Variants in STK32B observed in about 807,000 individuals in gnomAD.
STK32B encodes serine/threonine kinase 32B, also known as serine/threonine-protein kinase 32B.
A neutral mutation model predicts 52.6 loss-of-function variants in STK32B; 43 were observed. The observed-to-expected ratio is 0.82, with a 90% CI of 0.64 to 1.05. STK32B has a LOEUF of 1.05. STK32B is among the 50% of genes least tolerant of loss of function. STK32B has a pLI of 0.00. For synonymous variants in STK32B, 238 were observed against 204.3 expected (o/e 1.17, Z -1.41); for missense variants, 621 against 534.6 (o/e 1.16, Z -1.59).
intron 3 of STK32B, among the ~76,000 whole-genome samples, chr4:5,330,541 G>C (rs1403948661): frequency 6.6e-6 from 1 of 152,146 alleles, no homozygotes; most frequent in Admixed American, 6.5e-5. Context: ...CTGTTCTTCT[G>C]CTCCATGTGA....
At chr4:5,385,536 T>G (rs1037408994) in intron 4 of STK32B, among the ~76,000 whole-genome samples, 1 of 151,930 alleles carries the variant, frequency 6.6e-6, no homozygotes, top group African/African-American at 2.4e-5. Flanking sequence ...AGGCAGTGTT[T>G]CCAGAGGCCA....
intron 1 of STK32B, among the ~76,000 whole-genome samples, chr4:5,107,421 G>T (rs890450346): frequency 6.6e-6 from 1 of 152,192 alleles, no homozygotes; most frequent in Non-Finnish European, 1.5e-5. Flanking sequence ...TCCCCCGTCT[G>T]TGGAAATTGT....
At chr4:5,189,608 C>CTT (rs1253606739) in intron 3 of STK32B, among the ~76,000 whole-genome samples, 6 of 152,158 alleles carry the variant, frequency 3.9e-5, no homozygotes, top group Admixed American at 6.5e-5. Flanking sequence ...AATAAACCTG[C>CTT]TTTAAACATC....
intron 1 of STK32B, among the ~76,000 whole-genome samples, chr4:5,088,832 T>A (rs1712883732): frequency 6.6e-6 from 1 of 151,810 alleles, no homozygotes; most frequent in South Asian, 2.1e-4. Flanking sequence ...AATGTTTACA[T>A]TAAAAAGACA....
intron 2 of STK32B, 42 bp downstream of exon 2, chr4:5,140,002 T>A (rs778208580): frequency 6.2e-7 from 1 of 1,609,154 alleles, no homozygotes; most frequent in Non-Finnish European, 8.5e-7. Flanking sequence ...TAAGTATGTG[T>A]GTATATTTGT....
chr4:5,232,248 T>C (rs1420339841), intron 3 of STK32B, among the ~76,000 whole-genome samples: 1 of 152,196 alleles, frequency 6.6e-6, no homozygotes, highest in Non-Finnish European at 1.5e-5. Flanking sequence ...ATTATTGAAA[T>C]ATTTAAAAAC....
rs1229689064 is a variant in STK32B at position 5,386,848 on chromosome 4, T to C, written c.435-11359T>C. On this transcript the variant is annotated intron_variant, in intron 4 of 11. Coordinates refer to ENST00000282908, the MANE Select transcript of STK32B (RefSeq NM_018401.3). The surrounding 1 kb of genome is among the most constrained non-coding windows in gnomAD (Gnocchi z 4.5). Reference sequence around the variant, plus strand: ...CACGTGGATAGAGTCGGATTCAGCCTTGATACGAACTTGAGATCTTTCCCG... The same window carrying C: ...CACGTGGATAGAGTCGGATTCAGCCCTGATACGAACTTGAGATCTTTCCCG... Among the ~76,000 whole-genome samples the C allele has an allele frequency of 6.6e-6, 1 of 152,210 alleles. No individual in the cohort carries two copies. The highest frequency in any genetic ancestry group is 2.4e-5 in the African/African-American group (1 of 41,454).
At chr4:5,369,102 G>A (rs1287479751) in intron 4 of STK32B, among the ~76,000 whole-genome samples, 1 of 151,862 alleles carries the variant, frequency 6.6e-6, no homozygotes, top group Non-Finnish European at 1.5e-5. Flanking sequence ...ACATGGCAAG[G>A]CAGCTTCTAA....
intron 11 of STK32B, among the ~76,000 whole-genome samples, chr4:5,480,238 G>A (rs1033567045): frequency 1.4e-4 from 22 of 152,276 alleles, no homozygotes; most frequent in African/African-American, 4.6e-4. Context: ...GTCAAACTCT[G>A]TAAAATATTT....
rs548498695 is a variant in STK32B, at chr4:5,398,975, C to T, written c.472+731C>T. 4.6e-5 allele frequency among the ~76,000 whole-genome samples: 7 copies of T among 152,310 alleles called. No individual in the cohort carries two copies. Among genetic ancestry groups the T allele is most frequent in the Admixed American group, 2.6e-4 (4 of 15,298 alleles). ...CCTGGTAAAAATCAGAGGTCAGGCC[C>T]GGTCCTGCTTCAGCAAGCCTGGGCT... is the stretch of plus-strand genomic sequence containing the variant. On this transcript the variant is annotated intron_variant, in intron 5 of 11. Coordinates refer to ENST00000282908, the MANE Select transcript of STK32B (RefSeq NM_018401.3). The surrounding 1 kb of genome is among the most constrained non-coding windows in gnomAD (Gnocchi z 4.9).
At chr4:5,099,961 A>G (rs1713634399) in intron 1 of STK32B, among the ~76,000 whole-genome samples, 1 of 151,720 alleles carries the variant, frequency 6.6e-6, no homozygotes, top group African/African-American at 2.4e-5. Flanking sequence ...TTTATTTGAG[A>G]TGTTCGGATT....
At chr4:5,298,237 G>T (rs752378737) in intron 3 of STK32B, among the ~76,000 whole-genome samples, 3 of 152,222 alleles carry the variant, frequency 2.0e-5, no homozygotes, top group Admixed American at 6.5e-5. Flanking sequence ...GCTGCGAGGT[G>T]TCTCCCAGTC....
At chr4:5,343,297 G>A (rs1733222029) in intron 4 of STK32B, among the ~76,000 whole-genome samples, 1 of 152,066 alleles carries the variant, frequency 6.6e-6, no homozygotes, top group Non-Finnish European at 1.5e-5. Flanking sequence ...TTTTATGGCT[G>A]CATAGTATTC....
chr4:5,245,664 G>A (rs1355893343), intron 3 of STK32B, among the ~76,000 whole-genome samples: 1 of 152,120 alleles, frequency 6.6e-6, no homozygotes, highest in East Asian at 1.9e-4. Flanking sequence ...TTTCTTCCTA[G>A]CCTCGATGGT....
At chr4:5,232,653 G>A (rs1031246052) in intron 3 of STK32B, among the ~76,000 whole-genome samples, 23 of 152,192 alleles carry the variant, frequency 1.5e-4, no homozygotes, top group South Asian at 4.1e-4. Context: ...GCCAATGGTC[G>A]GTAAGTTGGG....
intron 3 of STK32B, among the ~76,000 whole-genome samples, chr4:5,247,834 G>T (rs965091930): frequency 1.3e-5 from 2 of 151,792 alleles, no homozygotes; most frequent in Admixed American, 6.6e-5. Flanking sequence ...TTCCCATACT[G>T]CCCTATGTCT....
chr4:5,027,404 G>A, the STK32B span, among the ~76,000 whole-genome samples: 1 of 152,162 alleles, frequency 6.6e-6, no homozygotes, highest in Non-Finnish European at 1.5e-5. Context: ...CCCAGGCCTG[G>A]TACACAGAAA....
intron 3 of STK32B, among the ~76,000 whole-genome samples, chr4:5,191,746 G>C (rs966740236): frequency 6.6e-6 from 1 of 152,172 alleles, no homozygotes; most frequent in Non-Finnish European, 1.5e-5. Flanking sequence ...TTGATGAGTG[G>C]AGATAGATCA....
intron 4 of STK32B, among the ~76,000 whole-genome samples, chr4:5,339,587 G>A (rs1244282362): frequency 6.6e-6 from 1 of 152,194 alleles, no homozygotes; most frequent in East Asian, 1.9e-4. Flanking sequence ...CACTTTCAAT[G>A]CCGTATTTAT....
Sources: gnomAD v4.1 joint callset for allele counts (sites outside exome capture counted in the v4.1 genomes callset) on GRCh38, gnomAD v4.1.1 for gene constraint, Gnocchi (gnomAD v3.1) non-coding constraint, MANE v1.5 for transcripts, NCBI Gene and HGNC (gene_info 2026-07-23, HGNC 2026-07-21) for gene names.